Variants in SYK observed in about 807,000 individuals in gnomAD.
SYK encodes tyrosine-protein kinase SYK.
A neutral mutation model predicts 77.8 loss-of-function variants in SYK; 16 were observed. The observed-to-expected ratio is 0.21, with a 90% CI of 0.14 to 0.31. The LOEUF is 0.31. Ranked by LOEUF, SYK falls within the 10% of genes least tolerant of loss-of-function variation. The pLI is 1.00. For missense variants in SYK, 529 were observed against 814.4 expected (o/e 0.65, Z 4.26); for synonymous variants, 312 against 308.7 (o/e 1.01, Z -0.11).
At chr9:90,842,617 G>A (rs549990379) in intron 1 of SYK, among the ~76,000 whole-genome samples, 75 of 151,596 alleles carry the variant, frequency 4.9e-4, no homozygotes, top group African/African-American at 1.7e-3. Context: ...TGTTTCGTGT[G>A]TGTGGTATGT....
intron 1 of SYK, among the ~76,000 whole-genome samples, chr9:90,834,220 A>T (rs573033583): frequency 3.9e-5 from 6 of 152,296 alleles, no homozygotes; most frequent in African/African-American, 1.2e-4. Context: ...ATGCACACAC[A>T]TGCATGCCTT....
In SYK at chr9:90,879,009, A is replaced by G. The variant is rs1013663467; in HGVS notation, c.1581+56A>G. The G allele has an allele frequency of 5.4e-6, 7 of 1,304,978 alleles. No homozygotes were observed. The African/African-American group carries it at 1.0e-4, about 19-fold the overall frequency. The allele number at this position is 1,304,978 out of a possible 1,614,324, so 80.8% of individuals were successfully genotyped here. On this transcript the variant is annotated intron_variant, in intron 11 of 13. Transcript: ENST00000375754. Reference sequence around the variant, plus strand: ...GCAGGTGGTAAAAAATGCAAGATAAATGTACGTTTTCTTTATTTTATTATT... The same window carrying G: ...GCAGGTGGTAAAAAATGCAAGATAAGTGTACGTTTTCTTTATTTTATTATT...
At position 90,896,623 on chromosome 9, in the gene SYK, A is replaced by G. The variant is rs1828999698; in HGVS notation, c.*1023A>G. ...AAAGACCCTGAGCCTCACCACAAAC[A>G]GGCCTTTTGGAGTGTGAATTTGAGT... On this transcript the variant is annotated 3_prime_UTR_variant, in exon 14 of 14. Transcript: ENST00000375754. The G allele has an allele frequency of 8.6e-6, 2 of 232,662 alleles. No homozygotes were observed. The highest frequency in any genetic ancestry group is 6.1e-5 in the East Asian group (1 of 16,518). 14.4% of individuals were successfully genotyped at this position (232,662 alleles called of 1,614,324 possible). A position where few individuals can be genotyped will look rare whatever the true frequency, so the allele number is the denominator to read the frequency against.
At chr9:90,852,938 A>G (rs974935922) in intron 3 of SYK, among the ~76,000 whole-genome samples, 13 of 152,144 alleles carry the variant, frequency 8.5e-5, no homozygotes, top group Admixed American at 3.9e-4. Flanking sequence ...AAAGTCTGCA[A>G]TGCATGGCAG....
At chr9:90,889,322 G>T (rs1308932269) in intron 13 of SYK, among the ~76,000 whole-genome samples, 1 of 152,222 alleles carries the variant, frequency 6.6e-6, no homozygotes, top group Non-Finnish European at 1.5e-5. Context: ...ACCCCAAGCC[G>T]CCATCTCCAG....
intron 3 of SYK, among the ~76,000 whole-genome samples, chr9:90,852,498 GC>G (rs1826856582): frequency 6.6e-6 from 1 of 152,188 alleles, no homozygotes. Context: ...AAAAGTCCAT[GC>G]CAGGCAAAAT....
chr9:90,871,279 T>G (rs1478012692), intron 7 of SYK, among the ~76,000 whole-genome samples: 1 of 152,136 alleles, frequency 6.6e-6, no homozygotes, highest in African/African-American at 2.4e-5. Flanking sequence ...ATGAAGAAAG[T>G]GGAATGGTCA....
chr9:90,843,833 A>G, intron 1 of SYK, 25 bp from the exon 2 acceptor site: 1 of 1,408,702 alleles, frequency 7.1e-7, no homozygotes, highest in Non-Finnish European at 9.2e-7. Flanking sequence ...TCCTCACCAA[A>G]GTTCTCTGTC....
intron 13 of SYK, among the ~76,000 whole-genome samples, chr9:90,893,430 A>T (rs1587931792): frequency 6.6e-6 from 1 of 152,084 alleles, no homozygotes; most frequent in Admixed American, 6.5e-5. Context: ...TCAGTAGTAA[A>T]CAGCCACTCT....
At chr9:90,873,182 G>A (rs1179751453) in intron 7 of SYK, among the ~76,000 whole-genome samples, 1 of 152,268 alleles carries the variant, frequency 6.6e-6, no homozygotes, top group South Asian at 2.1e-4. Context: ...AGGCACATGA[G>A]GATTTAGTGT....
At chr9:90,835,961 A>T (rs904043046) in intron 1 of SYK, among the ~76,000 whole-genome samples, 1 of 152,230 alleles carries the variant, frequency 6.6e-6, no homozygotes, top group African/African-American at 2.4e-5. Flanking sequence ...TGACAATTTT[A>T]AAAACTTGCA....
In SYK at chr9:90,803,650, TTAG is replaced by T. The variant is rs376494480; in HGVS notation, c.-42+1761_-42+1763del. On this transcript the variant is annotated intron_variant, in intron 1 of 13. Transcript: ENST00000375754. ...CTGCTTTTTTTTAATGGAAGACTTC[TTAG>T]TAGAACTTCACTTATTTAGCACATT... Among the ~76,000 whole-genome samples the T allele has an allele frequency of 1.2e-4, 19 of 152,292 alleles. No individual in the cohort carries two copies. The South Asian group carries it at 3.9e-3, about 32-fold the overall frequency.
intron 1 of SYK, among the ~76,000 whole-genome samples, chr9:90,832,274 AGTATGAT>A (rs1290052003): frequency 4.6e-5 from 7 of 152,276 alleles, no homozygotes; most frequent in African/African-American, 1.7e-4. Flanking sequence ...CAGAACCAGA[AGTATGAT>A]ATCGATGAAA....
intron 13 of SYK, among the ~76,000 whole-genome samples, chr9:90,893,545 A>T (rs891860885): frequency 2.6e-5 from 4 of 152,156 alleles, no homozygotes; most frequent in African/African-American, 9.7e-5. Context: ...GCACAAACCC[A>T]GGTATGGTTG....
intron 10 of SYK, 50 bp downstream of exon 10, chr9:90,877,830 G>A: frequency 3.1e-6 from 5 of 1,603,476 alleles, no homozygotes; most frequent in Non-Finnish European, 3.4e-6. Context: ...TAAGGGACAG[G>A]GCCCACCCCT....
chr9:90,877,838 C>T lies in SYK; in HGVS notation c.1391+58C>T, dbSNP rs2290886. Reference sequence around the variant, plus strand: ...TATCCCCTAAGGGACAGGGCCCACCCCTGGATGGGCCGAGCAGCCTGATTT... The same window carrying T: ...TATCCCCTAAGGGACAGGGCCCACCTCTGGATGGGCCGAGCAGCCTGATTT... On this transcript the variant is annotated intron_variant, in intron 10 of 13. Transcript: ENST00000375754. 0.16 allele frequency: 248,070 copies of T among 1,581,458 alleles called. 22,014 individuals carry two copies. Among genetic ancestry groups the T allele is most frequent in the Admixed American group, 0.38 (22,093 of 58,738 alleles).
At chr9:90,803,561 GA>G (rs1824692740) in intron 1 of SYK, among the ~76,000 whole-genome samples, 1 of 152,014 alleles carries the variant, frequency 6.6e-6, no homozygotes, top group Non-Finnish European at 1.5e-5. Flanking sequence ...TTTCACTTTA[GA>G]AATGAATCAC....
intron 3 of SYK, among the ~76,000 whole-genome samples, chr9:90,855,447 G>A (rs760873516): frequency 2.6e-5 from 4 of 152,158 alleles, no homozygotes; most frequent in Non-Finnish European, 4.4e-5. Context: ...GCTCCTGGAC[G>A]AGGGCTGTAT....
intron 11 of SYK, among the ~76,000 whole-genome samples, chr9:90,884,434 T>C (rs1168416362): frequency 6.4e-5 from 1 of 15,608 alleles, no homozygotes; most frequent in Admixed American, 7.8e-4. Flanking sequence ...TACACATATG[T>C]GTGTACATAT....
Sources: allele counts gnomAD v4.1 joint callset (sites outside exome capture counted in the v4.1 genomes callset), GRCh38; gene constraint gnomAD v4.1.1; transcripts MANE v1.5; gene names NCBI Gene and HGNC (gene_info 2026-07-23, HGNC 2026-07-21).